VWA5B1: variants seen among roughly 807,000 people sequenced by gnomAD.
VWA5B1 encodes von Willebrand factor A domain containing 5B1.
Under a neutral mutation model 118.2 loss-of-function variants are expected in VWA5B1, and 115 were observed. That is an observed-to-expected ratio of 0.97 (90% CI 0.84 to 1.14). The LOEUF (loss-of-function observed/expected upper bound fraction) is 1.14, where lower values mean the gene tolerates loss of function less well. Among genes scored for constraint, VWA5B1 ranks in the 50% most tolerant of loss-of-function variants. The pLI, the probability that VWA5B1 is intolerant of heterozygous loss-of-function variation, is 0.00. For synonymous variants in VWA5B1, 682 were observed against 658.4 expected (o/e 1.04, Z -0.55); for missense variants, 1,596 against 1,603.8 (o/e 1.00, Z 0.08).
intron 15 of VWA5B1, 110 bp from the exon 16 acceptor site, chr1:20,342,969 G>T (rs1379905723): frequency 2.1e-5 from 31 of 1,443,926 alleles, no homozygotes; most frequent in Non-Finnish European, 2.7e-5. Flanking sequence ...AGATGGAGTG[G>T]GTTGTACTTG....
At chr1:20,351,166 A>G (rs2090121628) in intron 20 of VWA5B1, among the ~76,000 whole-genome samples, 1 of 152,206 alleles carries the variant, frequency 6.6e-6, no homozygotes, top group Admixed American at 6.5e-5. Flanking sequence ...GCAAGTATGC[A>G]TGGGAGGGCT....
At chr1:20,315,027 T>C (rs2088962096) in intron 4 of VWA5B1, among the ~76,000 whole-genome samples, 1 of 152,200 alleles carries the variant, frequency 6.6e-6, no homozygotes, top group African/African-American at 2.4e-5. Context: ...ACTAATTATG[T>C]ACTGGAATGC....
At chr1:20,322,601 C>T (rs990311134) in intron 7 of VWA5B1, among the ~76,000 whole-genome samples, 4 of 152,102 alleles carry the variant, frequency 2.6e-5, no homozygotes, top group East Asian at 3.9e-4. Context: ...AACAAGTTGA[C>T]GGGAGGCAGA....
At chr1:20,308,638 A>G (rs908531861) in intron 1 of VWA5B1, among the ~76,000 whole-genome samples, 1 of 152,136 alleles carries the variant, frequency 6.6e-6, no homozygotes, top group Non-Finnish European at 1.5e-5. Context: ...AGAGAAGGCT[A>G]CTTGGGGAGA....
At chr1:20,316,815 A>C (rs1429637495) in intron 4 of VWA5B1, among the ~76,000 whole-genome samples, 9 of 152,290 alleles carry the variant, frequency 5.9e-5, no homozygotes, top group Middle Eastern at 6.8e-3. Flanking sequence ...GCAGAGATTC[A>C]GGACGTGGCG....
Position 20,356,355 on chromosome 1 carries a change from G to A in VWA5B1, c.*2092G>A, listed in dbSNP as rs2090229198. ...GTCCCAGACTCTCTGCCTCTGAGAT[G>A]TTTCCCTCTTCATGAACATGAATTT... On this transcript the variant is annotated 3_prime_UTR_variant, in exon 22 of 22. Transcript: ENST00000289815. Among the ~76,000 whole-genome samples the A allele has an allele frequency of 6.6e-6, 1 of 152,202 alleles. No homozygotes were observed. Among genetic ancestry groups the A allele is most frequent in the Admixed American group, 6.5e-5 (1 of 15,280 alleles).
chr1:20,315,320 T>C (rs1199495145), intron 4 of VWA5B1, among the ~76,000 whole-genome samples: 1 of 152,206 alleles, frequency 6.6e-6, no homozygotes, highest in Admixed American at 6.5e-5. Context: ...CCTTTGGCCC[T>C]GGCTAAGACT....
At chr1:20,352,208 G>C (rs764429131) in intron 21 of VWA5B1, 36 bp downstream of exon 21, 12 of 1,479,464 alleles carry the variant, frequency 8.1e-6, no homozygotes, top group Admixed American at 8.1e-5. Flanking sequence ...GTCTCCCTCC[G>C]CTCCACTCAG....
intron 1 of VWA5B1, among the ~76,000 whole-genome samples, chr1:20,295,295 T>G (rs2088383165): frequency 6.6e-6 from 1 of 152,040 alleles, no homozygotes; most frequent in African/African-American, 2.4e-5. Context: ...AAGAGAAATA[T>G]GGAATCAGGC....
At chr1:20,300,850 G>C (rs530043319) in intron 1 of VWA5B1, among the ~76,000 whole-genome samples, 1 of 152,166 alleles carries the variant, frequency 6.6e-6, no homozygotes, top group Non-Finnish European at 1.5e-5. Flanking sequence ...CAATCTTTAC[G>C]CCCCACCAGC....
chr1:20,312,821 G>A lies in VWA5B1; in HGVS notation c.140-15G>A. ...GGCCTGGGGCACCCCGTGATGCTGG[G>A]CCCTGCTCCGACAGGCCTCTTCGTG... On this transcript the variant is annotated splice_polypyrimidine_tract_variant and intron_variant, in intron 2 of 21. Transcript: ENST00000289815. 6.5e-7 allele frequency: 1 copy of A among 1,544,576 alleles called. No homozygotes were observed. Among genetic ancestry groups the A allele is most frequent in the Non-Finnish European group, 8.8e-7 (1 of 1,142,284 alleles).
In VWA5B1 at chr1:20,359,405, T is replaced by C. The variant is rs751174080; in HGVS notation, c.*5142T>C. On this transcript the variant is annotated 3_prime_UTR_variant, in exon 22 of 22. Transcript: ENST00000289815. The stretch of plus-strand genomic sequence containing the variant: ...TCAGCCGTCTAATGTCCACTAATAC[T>C]CAGCAAATCCTACCATGGGGCTGTG... 1.4e-4 allele frequency among the ~76,000 whole-genome samples: 21 copies of C among 152,110 alleles called. No individual in the cohort carries two copies. The highest frequency in any genetic ancestry group is 2.6e-4 in the Non-Finnish European group (18 of 68,024).
At chr1:20,342,360 TTCC>T in intron 14 of VWA5B1, 69 bp from the exon 15 acceptor site, 1 of 1,485,620 alleles carries the variant, frequency 6.7e-7, no homozygotes, top group Non-Finnish European at 9.1e-7. Context: ...CCAGGAGCTC[TTCC>T]TCCTCCTTCT....
At chr1:20,323,600 C>A in intron 8 of VWA5B1, 68 bp downstream of exon 8, 1 of 1,287,524 alleles carries the variant, frequency 7.8e-7, no homozygotes. Flanking sequence ...TGCCCCCAAT[C>A]CAGCTTCCTC....
In VWA5B1 at chr1:20,350,636, G is replaced by T. The variant is rs974558195; in HGVS notation, c.2954-221G>T. On this transcript the variant is annotated intron_variant, in intron 19 of 21. Coordinates refer to ENST00000289815, the MANE Select transcript of VWA5B1 (RefSeq NM_001039500.3). ...TTTCCAGAAGATCCCAGGGGCTGCC[G>T]GCCAAGGAATCTTAGAGGCCAGCTT... 2.0e-5 allele frequency among the ~76,000 whole-genome samples: 3 copies of T among 152,296 alleles called. No individual in the cohort carries two copies. In the South Asian group the frequency reaches 6.2e-4, roughly 32 times the overall value.
chr1:20,317,400 G>C, intron 4 of VWA5B1, 130 bp from the exon 5 acceptor site: 1 of 1,246,640 alleles, frequency 8.0e-7, no homozygotes, highest in Non-Finnish European at 1.1e-6. Flanking sequence ...TTGAGTGGGA[G>C]AGCACGGGTC....
chr1:20,350,121 G>A (rs2090096948), intron 18 of VWA5B1, 35 bp from the exon 19 acceptor site: 2 of 1,543,088 alleles, frequency 1.3e-6, no homozygotes, highest in South Asian at 1.2e-5. Flanking sequence ...GGAAGGGAGG[G>A]GAGAGGTCCA....
At chr1:20,312,134 C>T (rs988362385) in intron 2 of VWA5B1, among the ~76,000 whole-genome samples, 1 of 152,166 alleles carries the variant, frequency 6.6e-6, no homozygotes, top group African/African-American at 2.4e-5. Flanking sequence ...AATGTGATCC[C>T]CAGCCGCCAG....
rs1374861388 is a variant in VWA5B1 at position 20,336,408 on chromosome 1, A to G, written c.1864A>G (p.Lys622Glu). 3 of 1,527,606 alleles carry G rather than the reference A, an allele frequency of 2.0e-6. No individual in the cohort carries two copies. The allele number at this position is 1,527,606 out of a possible 1,614,324, so 94.6% of individuals were successfully genotyped here. Residue 622 changes from lysine to glutamate, a missense_variant, in exon 13 of 22, where the codon AAG becomes GAG. Physicochemically the swap from Lys to Glu is moderately conservative, Grantham distance 56 (BLOSUM62 1). Transcript: ENST00000289815. ...CGGGCTGGAAGGTGGAGACTGTGCCAAGAACTCGGGGGCACCCTTCATCCT... is the reference window on the plus strand; with the variant it reads ...CGGGCTGGAAGGTGGAGACTGTGCCGAGAACTCGGGGGCACCCTTCATCCT... The part of the protein sequence containing the change: ...GPGLEGGDCA[K>E]NSGAPFILGQ...
Sources: allele counts gnomAD v4.1 joint callset (sites outside exome capture counted in the v4.1 genomes callset), GRCh38; gene constraint gnomAD v4.1.1; transcripts MANE v1.5; gene names NCBI Gene and HGNC (gene_info 2026-07-23, HGNC 2026-07-21).